PDE1C: variants seen among roughly 807,000 people sequenced by gnomAD.
PDE1C encodes phosphodiesterase 1C.
PDE1C carries 62 observed loss-of-function variants against 93.1 expected under a neutral mutation model. The observed-to-expected ratio is 0.67, with a 90% CI of 0.54 to 0.82. The LOEUF is 0.82. Ranked by LOEUF, PDE1C falls within the 40% of genes least tolerant of loss-of-function variation. PDE1C has a pLI of 0.00. For synonymous variants in PDE1C, 325 were observed against 310.1 expected, an observed-to-expected ratio of 1.05 and a Z score of -0.50; for missense variants, 742 against 884.6, an observed-to-expected ratio of 0.84 and a Z score of 2.04.
chr7:31,910,621 C>T (rs988077790), intron 2 of PDE1C, among the ~76,000 whole-genome samples: 9 of 152,184 alleles, frequency 5.9e-5, no homozygotes, highest in African/African-American at 9.7e-5. Flanking sequence ...TCTGTTCTCA[C>T]GAGCCTGTAA....
At chr7:31,637,661 G>A in the PDE1C span, among the ~76,000 whole-genome samples, 9 of 152,078 alleles carry the variant, frequency 5.9e-5, no homozygotes, top group African/African-American at 1.7e-4. Context: ...AGTAGATTGC[G>A]AAAATTTTCT....
At chr7:31,670,072 A>G in the PDE1C span, among the ~76,000 whole-genome samples, 1 of 152,200 alleles carries the variant, frequency 6.6e-6, no homozygotes, top group Non-Finnish European at 1.5e-5. Flanking sequence ...GAGCCAATCA[A>G]CCTTGAAAGT....
At chr7:32,242,996 G>A (rs535138940) in intron 1 of PDE1C, among the ~76,000 whole-genome samples, 4 of 152,278 alleles carry the variant, frequency 2.6e-5, no homozygotes, top group Admixed American at 6.5e-5. Flanking sequence ...AGAGATACAA[G>A]GGACACGTGT....
chr7:31,617,627 A>ATGATTTAATGCTCCATCTTTT, the PDE1C span, among the ~76,000 whole-genome samples: 3 of 128,542 alleles, frequency 2.3e-5, no homozygotes, highest in South Asian at 8.6e-4. Flanking sequence ...TACCTTCTAA[A>ATGATTTAATGCTCCATCTTTT]TGATTTAATG....
chr7:32,022,545 C>T (rs1311643631), intron 2 of PDE1C, among the ~76,000 whole-genome samples: 1 of 151,898 alleles, frequency 6.6e-6, no homozygotes, highest in Non-Finnish European at 1.5e-5. Context: ...AAGGGGAGCA[C>T]AGAAGGTGGT....
At chr7:31,644,001 A>C in the PDE1C span, 1 of 1,496,996 alleles carries the variant, frequency 6.7e-7, no homozygotes, top group Non-Finnish European at 9.0e-7. Context: ...CACCCGTGAT[A>C]AACACCTCAG....
chr7:32,387,730 C>T (rs1784665204), intron 1 of PDE1C, among the ~76,000 whole-genome samples: 4 of 115,710 alleles, frequency 3.5e-5, no homozygotes, highest in Admixed American at 8.1e-5. Flanking sequence ...GGCAGAGGGG[C>T]TCCTCACTTC....
At chr7:32,210,028 G>A (rs1214457247) in intron 1 of PDE1C, among the ~76,000 whole-genome samples, 1 of 152,194 alleles carries the variant, frequency 6.6e-6, no homozygotes, top group African/African-American at 2.4e-5. Flanking sequence ...TGTTCAGAAA[G>A]ATATTAAATT....
At chr7:31,967,651 C>A (rs935721207) in intron 2 of PDE1C, among the ~76,000 whole-genome samples, 2 of 152,140 alleles carry the variant, frequency 1.3e-5, no homozygotes, top group Non-Finnish European at 2.9e-5. Flanking sequence ...GGCAGAGACA[C>A]AACAAACAAG....
chr7:32,131,518 G>A (rs1459992999), intron 3 of PDE1C, among the ~76,000 whole-genome samples: 1 of 152,104 alleles, frequency 6.6e-6, no homozygotes, highest in East Asian at 1.9e-4. Context: ...TAATGAATCA[G>A]TGACCCTTAG....
chr7:31,712,083 A>G, the PDE1C span, among the ~76,000 whole-genome samples: 8 of 152,350 alleles, frequency 5.3e-5, no homozygotes, highest in East Asian at 1.5e-3. Flanking sequence ...ACCTGATCAC[A>G]AGCCATGCTA....
chr7:32,365,121 C>T (rs1482611625), intron 1 of PDE1C, among the ~76,000 whole-genome samples: 2 of 152,124 alleles, frequency 1.3e-5, no homozygotes, highest in Non-Finnish European at 2.9e-5. Flanking sequence ...TTCTAGCCTG[C>T]CCAGTGACCC....
intron 1 of PDE1C, among the ~76,000 whole-genome samples, chr7:32,332,354 G>C (rs1436262496): frequency 1.3e-5 from 2 of 151,772 alleles, no homozygotes; most frequent in Admixed American, 6.6e-5. Flanking sequence ...ACCAACAAAG[G>C]GCTACAATAA....
intron 2 of PDE1C, among the ~76,000 whole-genome samples, chr7:31,938,426 G>T (rs1805378765): frequency 6.7e-6 from 1 of 149,866 alleles, no homozygotes; most frequent in Non-Finnish European, 1.5e-5. Flanking sequence ...GCTGGAAGGG[G>T]TGGGGGGCTG....
At chr7:31,803,667 G>A (rs1035769976) in intron 16 of PDE1C, among the ~76,000 whole-genome samples, 7 of 151,774 alleles carry the variant, frequency 4.6e-5, no homozygotes, top group African/African-American at 1.5e-4. Flanking sequence ...TTGTCCTTGC[G>A]ACAGTTTGCT....
intron 16 of PDE1C, among the ~76,000 whole-genome samples, chr7:31,797,513 A>C (rs1785456637): frequency 6.6e-6 from 1 of 151,816 alleles, no homozygotes; most frequent in Non-Finnish European, 1.5e-5. Flanking sequence ...TACTAAAAAC[A>C]GTTAAGCACT....
rs142115657 is a variant in PDE1C at position 32,155,923 on chromosome 7, G to A, written c.308+13862C>T. Among the ~76,000 whole-genome samples the A allele has an allele frequency of 9.5e-3, 1,440 of 152,204 alleles. 11 individuals carry two copies. Among genetic ancestry groups the A allele is most frequent in the Non-Finnish European group, 0.016 (1,065 of 68,008 alleles). ...GGTGTCTGGCACAGCCATGGGTCAT[G>A]GGTCAGCAGGAGCAGGGAGCAGCAC... On this transcript the variant is annotated intron_variant, in intron 3 of 18. Coordinates refer to the PDE1C transcript ENST00000396193.
intron 17 of PDE1C, among the ~76,000 whole-genome samples, chr7:31,761,955 T>C (rs1794857674): frequency 6.6e-6 from 1 of 152,170 alleles, no homozygotes; most frequent in African/African-American, 2.4e-5. Flanking sequence ...ATGGTAAGAA[T>C]AAAAATATAT....
upstream of PDE1C, among the ~76,000 whole-genome samples, chr7:32,073,107 T>C (rs184423016): frequency 5.3e-5 from 8 of 152,340 alleles, no homozygotes; most frequent in Admixed American, 5.2e-4. Context: ...ATACCACATC[T>C]ATGACTTTTT....
Sources: allele counts gnomAD v4.1 joint callset (sites outside exome capture counted in the v4.1 genomes callset), GRCh38; gene constraint gnomAD v4.1.1; transcripts MANE v1.5; gene names NCBI Gene and HGNC (gene_info 2026-07-23, HGNC 2026-07-21).